The following KCNQ5 variants were observed in gnomAD, a reference collection of about 807,000 sequenced individuals.
The protein encoded by KCNQ5 is potassium voltage-gated channel subfamily KQT member 5.
Under a neutral mutation model 98.2 loss-of-function variants are expected in KCNQ5, and 30 were observed. The ratio of observed to expected loss-of-function variants is 0.31; its 90% CI spans 0.23 to 0.41. The LOEUF (loss-of-function observed/expected upper bound fraction) is 0.41. Ranked by LOEUF, KCNQ5 falls within the 10% of genes least tolerant of loss-of-function variation. KCNQ5 has a pLI of 1.00. For synonymous variants in KCNQ5, 458 were observed against 449.4 expected (o/e 1.02, Z -0.24); for missense variants, 835 against 1,182.5 (o/e 0.71, Z 4.31).
At chr6:72,871,084 G>T (rs1489110600) in intron 1 of KCNQ5, among the ~76,000 whole-genome samples, 2 of 152,120 alleles carry the variant, frequency 1.3e-5, no homozygotes, top group Admixed American at 6.6e-5. Context: ...AATAGTCCCT[G>T]TTGAGCATCC....
intron 1 of KCNQ5, among the ~76,000 whole-genome samples, chr6:72,810,701 C>T (rs1262658596): frequency 2.0e-5 from 3 of 152,146 alleles, no homozygotes; most frequent in Non-Finnish European, 4.4e-5. Flanking sequence ...GCCATTTTGG[C>T]TTTCCATGAA....
chr6:72,664,646 A>G (rs2154473053), intron 1 of KCNQ5, among the ~76,000 whole-genome samples: 1 of 147,606 alleles, frequency 6.8e-6, no homozygotes, highest in East Asian at 2.0e-4. Context: ...ACAGAGCAAG[A>G]CTCTGTCTCA....
chr6:73,008,723 G>T (rs1769927063), intron 2 of KCNQ5, among the ~76,000 whole-genome samples: 1 of 152,080 alleles, frequency 6.6e-6, no homozygotes, highest in Admixed American at 6.6e-5. Flanking sequence ...AGATAAGTAA[G>T]AAAACAGAAG....
intron 1 of KCNQ5, among the ~76,000 whole-genome samples, chr6:72,760,951 C>G (rs1212451780): frequency 6.6e-6 from 1 of 152,160 alleles, no homozygotes; most frequent in Non-Finnish European, 1.5e-5. Flanking sequence ...TCCATGGTCA[C>G]AGCCAGATTT....
intron 3 of KCNQ5, among the ~76,000 whole-genome samples, chr6:73,058,338 G>A (rs916907264): frequency 2.3e-4 from 35 of 152,146 alleles, no homozygotes; most frequent in Middle Eastern, 3.4e-3. Context: ...CGTGAACCCC[G>A]GGGGGCGGAG....
intron 10 of KCNQ5, among the ~76,000 whole-genome samples, chr6:73,153,531 T>C (rs1777234613): frequency 1.3e-5 from 2 of 152,142 alleles, no homozygotes. Context: ...AAAAGTCAGT[T>C]AGTCCAGGCC....
chr6:72,881,635 T>C (rs1393418461), intron 1 of KCNQ5, among the ~76,000 whole-genome samples: 1 of 152,172 alleles, frequency 6.6e-6, no homozygotes, highest in African/African-American at 2.4e-5. Flanking sequence ...CAAGTAAAAG[T>C]ACAAGCAAAA....
At chr6:72,896,073 C>T (rs1779240434) in intron 1 of KCNQ5, among the ~76,000 whole-genome samples, 2 of 152,078 alleles carry the variant, frequency 1.3e-5, no homozygotes, top group Non-Finnish European at 2.9e-5. Context: ...TATTTCTTAG[C>T]AAGTCTATTA....
intron 1 of KCNQ5, among the ~76,000 whole-genome samples, chr6:72,822,703 C>T (rs1378239719): frequency 6.6e-6 from 1 of 152,046 alleles, no homozygotes; most frequent in African/African-American, 2.4e-5. Flanking sequence ...TTTAGTTTTC[C>T]TACTACTGCT....
At chr6:72,914,709 T>C (rs1582008066) in intron 1 of KCNQ5, among the ~76,000 whole-genome samples, 1 of 151,808 alleles carries the variant, frequency 6.6e-6, no homozygotes, top group East Asian at 1.9e-4. Context: ...AGAGTAGATC[T>C]TGGTTTCTTT....
At position 73,194,601 on chromosome 6, in the gene KCNQ5, T is replaced by C. The variant is rs137895111; in HGVS notation, c.1986T>C (p.Asp662=). ...CATCTGACTATCAAAGCCCTGTGGATAGCAAAGATCTTTCGGGTTCCGCAC... is the reference window on the plus strand; with the variant it reads ...CATCTGACTATCAAAGCCCTGTGGACAGCAAAGATCTTTCGGGTTCCGCAC... ...EQTSDYQSPV[D]SKDLSGSAQN... The change falls in exon 14 of 14, where the codon GAT becomes GAC. Residue 662 remains aspartate, a synonymous_variant. Coordinates refer to ENST00000370398, the MANE Select transcript of KCNQ5 (RefSeq NM_019842.4). The C allele has an allele frequency of 6.2e-7, 1 of 1,614,110 alleles. No homozygotes were observed. The highest frequency in any genetic ancestry group is 1.3e-5 in the African/African-American group (1 of 74,936).
chr6:73,120,986 ATC>A, intron 8 of KCNQ5, among the ~76,000 whole-genome samples: 1 of 152,208 alleles, frequency 6.6e-6, no homozygotes, highest in South Asian at 2.1e-4. Flanking sequence ...GTACGTTTAG[ATC>A]TCTCAAAGCC....
chr6:72,805,050 A>G (rs1026484407), intron 1 of KCNQ5, among the ~76,000 whole-genome samples: 7 of 152,204 alleles, frequency 4.6e-5, no homozygotes, highest in African/African-American at 1.4e-4. Flanking sequence ...AGCTTCTTAC[A>G]TATTCTGATT....
intron 1 of KCNQ5, among the ~76,000 whole-genome samples, chr6:72,712,145 G>T (rs147796958): frequency 1.3e-5 from 2 of 152,300 alleles, no homozygotes; most frequent in Non-Finnish European, 2.9e-5. Context: ...AGGAATGAAT[G>T]AATGAATGAA....
intron 2 of KCNQ5, among the ~76,000 whole-genome samples, chr6:73,019,410 A>G (rs1161959731): frequency 1.3e-5 from 2 of 152,130 alleles, no homozygotes; most frequent in African/African-American, 2.4e-5. Context: ...ATTTCAGTGG[A>G]TAGAGTTTAC....
At chr6:72,999,101 T>C (rs1164718842) in intron 1 of KCNQ5, among the ~76,000 whole-genome samples, 1 of 152,230 alleles carries the variant, frequency 6.6e-6, no homozygotes, top group African/African-American at 2.4e-5. Flanking sequence ...TTTCACATCA[T>C]TTTCATTCTT....
intron 1 of KCNQ5, among the ~76,000 whole-genome samples, chr6:72,892,390 C>T (rs1779092175): frequency 6.6e-6 from 1 of 152,176 alleles, no homozygotes. Context: ...GAGCCCTTGA[C>T]ATACATAGGT....
At chr6:72,826,362 G>C (rs549305588) in intron 1 of KCNQ5, among the ~76,000 whole-genome samples, 166 of 152,196 alleles carry the variant, frequency 1.1e-3, no homozygotes, top group African/African-American at 3.8e-3. Flanking sequence ...ATTAGAAATA[G>C]TGAAAGTCAG....
At chr6:73,179,725 G>A (rs913237496) in intron 11 of KCNQ5, among the ~76,000 whole-genome samples, 1 of 152,116 alleles carries the variant, frequency 6.6e-6, no homozygotes, top group Non-Finnish European at 1.5e-5. Flanking sequence ...ATAAATGAGG[G>A]TGCAGAGTAG....
Sources: allele counts gnomAD v4.1 joint callset (sites outside exome capture counted in the v4.1 genomes callset), GRCh38; gene constraint gnomAD v4.1.1; transcripts MANE v1.5; gene names NCBI Gene and HGNC (gene_info 2026-07-23, HGNC 2026-07-21).